Variants in FIRRM observed in about 807,000 individuals in gnomAD.
The protein encoded by FIRRM is FIGNL1 interacting regulator of recombination and mitosis.
At chr1:169,849,705 G>C in the FIRRM span, 1 of 887,460 alleles carries the variant, frequency 1.1e-6, no homozygotes, top group Non-Finnish European at 1.8e-6. Context: ...CTTCTGTATT[G>C]CAATCGGAAA....
At chr1:169,854,036 T>C in the FIRRM span, 1 of 565,670 alleles carries the variant, frequency 1.8e-6, no homozygotes, top group South Asian at 2.7e-5. Context: ...TAATCCCTTT[T>C]TTTTCTTTTT....
At chr1:169,801,045 T>C in the FIRRM span, 1 of 737,228 alleles carries the variant, frequency 1.4e-6, no homozygotes, top group East Asian at 2.7e-5. Flanking sequence ...TTATTAATTA[T>C]GGCTCTCTTT....
At chr1:169,834,106 A>G in the FIRRM span, among the ~76,000 whole-genome samples, 6 of 152,106 alleles carry the variant, frequency 3.9e-5, no homozygotes, top group East Asian at 3.8e-4. Flanking sequence ...TGAATTAGCT[A>G]TGAGGTCTAG....
chr1:169,820,273 T>C, the FIRRM span, among the ~76,000 whole-genome samples: 4 of 152,280 alleles, frequency 2.6e-5, no homozygotes, highest in Admixed American at 2.0e-4. Context: ...GAAAGACCCC[T>C]CCATTGCAGT....
chr1:169,851,858 T>A, the FIRRM span: 15,438 of 1,614,066 alleles, frequency 9.6e-3, 93 homozygotes, highest in Non-Finnish European at 0.012. Context: ...AAGTGGAACG[T>A]GTGAAACAGG....
At chr1:169,802,109 A>C in the FIRRM span, among the ~76,000 whole-genome samples, 15,970 of 152,214 alleles carry the variant, frequency 0.1, 1,014 homozygotes, top group Admixed American at 0.18. Flanking sequence ...TTTCACAGAC[A>C]AAAAGCTTGT....
the FIRRM span, among the ~76,000 whole-genome samples, chr1:169,837,369 A>G: frequency 6.6e-6 from 1 of 152,230 alleles, no homozygotes; most frequent in Non-Finnish European, 1.5e-5. Flanking sequence ...CAAACACACT[A>G]TGGAACACTT....
the FIRRM span, chr1:169,852,825 G>GGAA: frequency 4.3e-6 from 7 of 1,614,066 alleles, no homozygotes; most frequent in African/African-American, 6.7e-5. Flanking sequence ...AGTTCCCCTG[G>GGAA]GAAGAAGAGT....
At chr1:169,790,221 A>G in the FIRRM span, among the ~76,000 whole-genome samples, 2 of 151,284 alleles carry the variant, frequency 1.3e-5, no homozygotes, top group East Asian at 3.9e-4. Context: ...CCTGTTGCCT[A>G]GGCTGGAGGG....
the FIRRM span, among the ~76,000 whole-genome samples, chr1:169,817,116 A>G: frequency 6.6e-6 from 1 of 152,106 alleles, no homozygotes; most frequent in Non-Finnish European, 1.5e-5. Context: ...ATTTTAAACA[A>G]AAAGTAAAAA....
chr1:169,786,623 G>T, the FIRRM span, among the ~76,000 whole-genome samples: 17,983 of 151,958 alleles, frequency 0.12, 1,363 homozygotes, highest in Middle Eastern at 0.21. Flanking sequence ...TAAAATAAGC[G>T]CACCATCTAG....
the FIRRM span, chr1:169,830,592 G>A: frequency 1.7e-6 from 2 of 1,146,692 alleles, no homozygotes; most frequent in Non-Finnish European, 2.6e-6. Flanking sequence ...AATAATGGCA[G>A]TTTTTAATGT....
At chr1:169,795,056 C>G in the FIRRM span, 1 of 1,456,648 alleles carries the variant, frequency 6.9e-7, no homozygotes, top group South Asian at 1.2e-5. Flanking sequence ...AGTTTCCGGT[C>G]TGGGCTTTGG....
chr1:169,800,715 C>CTTTTT, the FIRRM span, among the ~76,000 whole-genome samples: 32 of 136,898 alleles, frequency 2.3e-4, no homozygotes, highest in Admixed American at 1.5e-3. Flanking sequence ...TCCTTTCTCT[C>CTTTTT]TTTTTTTTTT....
chr1:169,831,947 G>A, the FIRRM span, among the ~76,000 whole-genome samples: 1 of 152,090 alleles, frequency 6.6e-6, no homozygotes, highest in Non-Finnish European at 1.5e-5. Context: ...TTGTGGATAT[G>A]GAGTTCTTGC....
chr1:169,845,082 A>C, the FIRRM span, among the ~76,000 whole-genome samples: 1 of 152,188 alleles, frequency 6.6e-6, no homozygotes, highest in African/African-American at 2.4e-5. Flanking sequence ...CTCTCAATAG[A>C]ATTTTAAATA....
chr1:169,793,037 C>T, the FIRRM span: 3 of 1,614,140 alleles, frequency 1.9e-6, no homozygotes, highest in Non-Finnish European at 2.5e-6. Flanking sequence ...AATCACCATA[C>T]TGTTATAATC....
the FIRRM span, among the ~76,000 whole-genome samples, chr1:169,811,106 C>T: frequency 1.3e-5 from 2 of 150,834 alleles, no homozygotes; most frequent in Non-Finnish European, 3.0e-5. Context: ...ATGATCCACC[C>T]GCCTCGGCCT....
At chr1:169,828,585 G>T in the FIRRM span, among the ~76,000 whole-genome samples, 3 of 151,742 alleles carry the variant, frequency 2.0e-5, no homozygotes, top group Non-Finnish European at 4.4e-5. Flanking sequence ...GTCTTGCTCT[G>T]TCACCCAGGC....
Sources: gnomAD v4.1 joint callset for allele counts (sites outside exome capture counted in the v4.1 genomes callset) on GRCh38, gnomAD v4.1.1 for gene constraint, MANE v1.5 for transcripts, NCBI Gene and HGNC (gene_info 2026-07-23, HGNC 2026-07-21) for gene names.